Variants in CASP8 observed in about 807,000 individuals in gnomAD.
CASP8 encodes the protein caspase-8.
A neutral mutation model predicts 46.3 loss-of-function variants in CASP8; 24 were observed. That is an observed-to-expected ratio of 0.52 (90% CI 0.38 to 0.73). The LOEUF is 0.73. CASP8 is among the 30% of genes least tolerant of loss of function. The pLI is 0.00. For missense variants in CASP8, 460 were observed against 559.0 expected (o/e 0.82, Z 1.79); for synonymous variants, 188 against 200.4 (o/e 0.94, Z 0.52).
intron 1 of CASP8, among the ~76,000 whole-genome samples, chr2:201,264,709 GT>G (rs988050246): frequency 2.4e-4 from 36 of 152,206 alleles, no homozygotes; most frequent in African/African-American, 8.7e-4. Context: ...GTTTGCTCCT[GT>G]AGTCTCAGCT....
At chr2:201,273,925 T>C (rs1948461826) in intron 5 of CASP8, among the ~76,000 whole-genome samples, 1 of 152,224 alleles carries the variant, frequency 6.6e-6, no homozygotes, top group Non-Finnish European at 1.5e-5. Flanking sequence ...TCCACCTACC[T>C]GGGCCTCCCA....
chr2:201,241,791 A>G (rs1946310211), intron 2 of CASP8: 1 of 152,254 alleles, frequency 6.6e-6, no homozygotes, highest in Non-Finnish European at 1.5e-5. Context: ...ATATACATAT[A>G]AAAACTCATA....
chr2:201,248,399 C>T (rs1322337390), intron 2 of CASP8, among the ~76,000 whole-genome samples: 2 of 152,088 alleles, frequency 1.3e-5, no homozygotes, highest in African/African-American at 2.4e-5. Flanking sequence ...ACAATGGAGG[C>T]GACTGTAATG....
In CASP8 at chr2:201,277,017, T is replaced by A. The variant is rs577745241; in HGVS notation, c.802+49T>A. On this transcript the variant is annotated intron_variant, in intron 7 of 8. Coordinates refer to ENST00000673742, the MANE Select transcript of CASP8 (RefSeq NM_001372051.1). ...AAGTAAAATATTTCTTATGCCTATT[T>A]TTTTTTAAATCAAAAGGGAGAGAAC... 121 of 1,372,906 alleles carry A rather than the reference T, an allele frequency of 8.8e-5. 3 individuals carry two copies. In the South Asian group the frequency reaches 1.4e-3, roughly 16 times the overall value. The allele number at this position is 1,372,906 out of a possible 1,614,324, so 85.0% of individuals were successfully genotyped here. A position where few individuals can be genotyped will look rare whatever the true frequency, so the allele number is the denominator to read the frequency against.
At chr2:201,283,163 G>T (rs1214286025) in intron 7 of CASP8, among the ~76,000 whole-genome samples, 42 of 70,610 alleles carry the variant, frequency 5.9e-4, no homozygotes, top group African/African-American at 1.9e-3. Flanking sequence ...TCCCAGTAGG[G>T]GCGGCCGGGC....
chr2:201,285,419 A>C, intron 8 of CASP8, 102 bp downstream of exon 8: 4 of 1,414,270 alleles, frequency 2.8e-6, no homozygotes. Context: ...AGAAAGTGCT[A>C]TGTGATTTAG....
chr2:201,255,895 A>G (rs1012469672), upstream of CASP8, among the ~76,000 whole-genome samples: 3 of 152,068 alleles, frequency 2.0e-5, no homozygotes, highest in Non-Finnish European at 4.4e-5. Flanking sequence ...GCTTGAGACA[A>G]CAGATGCATG....
At chr2:201,254,287 T>A (rs1412242097) in intron 2 of CASP8, among the ~76,000 whole-genome samples, 1 of 152,212 alleles carries the variant, frequency 6.6e-6, no homozygotes, top group Non-Finnish European at 1.5e-5. Context: ...AAATGCCCCA[T>A]GACTGTCTGA....
upstream of CASP8, among the ~76,000 whole-genome samples, chr2:201,257,464 G>T (rs1377080379): frequency 1.5e-5 from 2 of 130,282 alleles, no homozygotes. Context: ...CCTGGGCAAC[G>T]CACCGAGACT....
chr2:201,252,738 C>G (rs889873576), intron 2 of CASP8, among the ~76,000 whole-genome samples: 8 of 152,104 alleles, frequency 5.3e-5, no homozygotes, highest in Non-Finnish European at 1.2e-4. Context: ...ATGTTGTAAA[C>G]CACGAAAAGT....
At position 201,271,915 on chromosome 2, in the gene CASP8, C is replaced by T. The variant is rs1948279492; in HGVS notation, c.411+294C>T. 2.6e-5 allele frequency among the ~76,000 whole-genome samples: 4 copies of T among 152,268 alleles called. No homozygotes were observed. The South Asian group carries it at 6.2e-4, about 24-fold the overall frequency. On this transcript the variant is annotated intron_variant, in intron 3 of 8. Coordinates refer to ENST00000673742, the MANE Select transcript of CASP8 (RefSeq NM_001372051.1). The stretch of plus-strand genomic sequence containing the variant: ...CTGCGGTGGGTCTGAGATATTTCCT[C>T]CACTTCTGCAGTCCCCGAAACAACC...
intron 2 of CASP8, among the ~76,000 whole-genome samples, chr2:201,249,084 G>T (rs1262062214): frequency 2.0e-5 from 3 of 152,128 alleles, no homozygotes; most frequent in Non-Finnish European, 2.9e-5. Context: ...TAGAGGTGGG[G>T]GTCTTGCCAT....
intron 2 of CASP8, among the ~76,000 whole-genome samples, chr2:201,253,421 CT>C (rs1183092427): frequency 2.0e-5 from 3 of 146,678 alleles, no homozygotes; most frequent in Non-Finnish European, 4.5e-5. Context: ...CAACGTCTTC[CT>C]GTCTGTAAGA....
rs557637485 is a variant in CASP8, at chr2:201,247,942, C to G, written c.-27+13830C>G. 2.2e-4 allele frequency among the ~76,000 whole-genome samples: 34 copies of G among 152,190 alleles called. No individual in the cohort carries two copies. In the South Asian group the frequency reaches 7.0e-3, roughly 32 times the overall value. On this transcript the variant is annotated intron_variant, in intron 2 of 6. Coordinates refer to the CASP8 transcript ENST00000264274. ...TACAGGCGTGAGCCACTGCGCCCGG[C>G]CAACTTTTGTATTTTTAGTAGAGAT...
intron 2 of CASP8, among the ~76,000 whole-genome samples, chr2:201,251,261 G>C (rs1345750669): frequency 6.6e-6 from 1 of 152,158 alleles, no homozygotes; most frequent in Non-Finnish European, 1.5e-5. Context: ...TGTTCAATTT[G>C]GGTAAATATC....
intron 2 of CASP8, among the ~76,000 whole-genome samples, chr2:201,236,624 G>A (rs1284234160): frequency 2.6e-5 from 4 of 152,052 alleles, no homozygotes; most frequent in Non-Finnish European, 4.4e-5. Context: ...TGGCTCTGCC[G>A]CCCAGGCTGG....
chr2:201,251,981 A>G (rs574301634), intron 2 of CASP8, among the ~76,000 whole-genome samples: 24 of 152,178 alleles, frequency 1.6e-4, no homozygotes, highest in Non-Finnish European at 3.2e-4. Context: ...CCCACGAGTA[A>G]TGAATGAGAG....
In CASP8 at chr2:201,235,779, G is replaced by A. The variant is rs187220297; in HGVS notation, c.-27+1667G>A. Among the ~76,000 whole-genome samples, 537 of 152,220 alleles carry A rather than the reference G, an allele frequency of 3.5e-3. 3 individuals carry two copies. Among genetic ancestry groups the A allele is most frequent in the African/African-American group, 0.012 (509 of 41,522 alleles). The stretch of plus-strand genomic sequence containing the variant: ...TCATGTGCCATTTCAGTCAATGACC[G>A]ACCACATATATGATGGTGGTCTCAT... On this transcript the variant is annotated intron_variant, in intron 2 of 6. Coordinates refer to the CASP8 transcript ENST00000264274.
At chr2:201,277,009 T>C in intron 7 of CASP8, 41 bp downstream of exon 7, 2 of 1,451,648 alleles carry the variant, frequency 1.4e-6, no homozygotes, top group Non-Finnish European at 1.9e-6. Context: ...ATATTTCTTA[T>C]GCCTATTTTT....
Sources: gnomAD v4.1 joint callset for allele counts (sites outside exome capture counted in the v4.1 genomes callset) on GRCh38, gnomAD v4.1.1 for gene constraint, MANE v1.5 for transcripts, NCBI Gene and HGNC (gene_info 2026-07-23, HGNC 2026-07-21) for gene names.